Variants in MYRFL observed in about 807,000 individuals in gnomAD.
MYRFL encodes the protein myelin regulatory factor like.
Under a neutral mutation model 109.4 loss-of-function variants are expected in MYRFL, and 88 were observed. The ratio of observed to expected loss-of-function variants is 0.80; its 90% CI spans 0.68 to 0.96. The LOEUF (loss-of-function observed/expected upper bound fraction) is 0.96, where lower values mean the gene tolerates loss of function less well. MYRFL is among the 40% of genes least tolerant of loss of function. MYRFL has a pLI of 0.00. For missense variants in MYRFL, 957 were observed against 954.9 expected (o/e 1.00, Z -0.03); for synonymous variants, 324 against 320.9 (o/e 1.01, Z -0.10).
chr12:69,893,220 C>T (rs1566004409), intron 7 of MYRFL, among the ~76,000 whole-genome samples: 1 of 152,214 alleles, frequency 6.6e-6, no homozygotes, highest in South Asian at 2.1e-4. Context: ...GCTGATCTCA[C>T]AAGTCTTTTC....
At chr12:69,936,736 A>G in intron 19 of MYRFL, 104 bp downstream of exon 19, 2 of 1,091,882 alleles carry the variant, frequency 1.8e-6, no homozygotes, top group South Asian at 2.1e-5. Flanking sequence ...TAATGGTTCC[A>G]TGCTTCTATT....
intron 1 of MYRFL, among the ~76,000 whole-genome samples, chr12:69,852,741 G>T (rs559779820): frequency 2.0e-5 from 3 of 151,822 alleles, no homozygotes; most frequent in Admixed American, 6.6e-5. Flanking sequence ...GCCGCCTTCC[G>T]CAGTGTTTGT....
intron 1 of MYRFL, among the ~76,000 whole-genome samples, chr12:69,833,522 T>C (rs1227849045): frequency 6.6e-6 from 1 of 152,234 alleles, no homozygotes; most frequent in Non-Finnish European, 1.5e-5. Flanking sequence ...ATTTAATGAA[T>C]GCTTTACTTT....
intron 11 of MYRFL, among the ~76,000 whole-genome samples, chr12:69,907,282 T>C (rs1954395781): frequency 6.6e-6 from 1 of 152,198 alleles, no homozygotes; most frequent in Non-Finnish European, 1.5e-5. Flanking sequence ...TGAAAATCTG[T>C]CTAGAGGATG....
At chr12:69,948,813 T>C (rs1490650596) in intron 19 of MYRFL, among the ~76,000 whole-genome samples, 1 of 152,188 alleles carries the variant, frequency 6.6e-6, no homozygotes, top group Non-Finnish European at 1.5e-5. Flanking sequence ...GCCTTCCAGT[T>C]CTGTCTTGCT....
At chr12:69,883,791 G>A (rs1156461494) in intron 5 of MYRFL, among the ~76,000 whole-genome samples, 1 of 151,780 alleles carries the variant, frequency 6.6e-6, no homozygotes, top group Non-Finnish European at 1.5e-5. Context: ...TGGGAGGAAA[G>A]CTTCAGCCCA....
intron 7 of MYRFL, among the ~76,000 whole-genome samples, chr12:69,891,524 G>C (rs978057687): frequency 5.3e-5 from 8 of 151,350 alleles, no homozygotes; most frequent in African/African-American, 1.9e-4. Flanking sequence ...GGCTTCTAAG[G>C]ATAAACATTG....
At chr12:69,939,064 G>A (rs1955557623) in intron 19 of MYRFL, among the ~76,000 whole-genome samples, 1 of 152,174 alleles carries the variant, frequency 6.6e-6, no homozygotes, top group South Asian at 2.1e-4. Context: ...CTCGCTGATT[G>A]CTAGCACAGC....
At chr12:69,846,104 A>ATTT (rs1883517664) in intron 1 of MYRFL, among the ~76,000 whole-genome samples, 9 of 52,304 alleles carry the variant, frequency 1.7e-4, no homozygotes, top group Admixed American at 2.7e-4. Flanking sequence ...GCTATTGACT[A>ATTT]TCTTTTTTTT....
At chr12:69,846,752 AG>A (rs1883576025) in intron 1 of MYRFL, among the ~76,000 whole-genome samples, 1 of 151,950 alleles carries the variant, frequency 6.6e-6, no homozygotes, top group South Asian at 2.1e-4. Flanking sequence ...TTCTAGTTCT[AG>A]ATCCCTGAGG....
intron 10 of MYRFL, among the ~76,000 whole-genome samples, chr12:69,902,091 A>G (rs1250726729): frequency 6.6e-6 from 1 of 151,944 alleles, no homozygotes; most frequent in African/African-American, 2.4e-5. Flanking sequence ...ATGGGGCTTC[A>G]CCATGTTGGC....
Position 69,855,385 on chromosome 12 carries a change from C to G in MYRFL, c.137+15C>G, listed in dbSNP as rs1324477679. 1 of 702,212 alleles carries G rather than the reference C, an allele frequency of 1.4e-6. No homozygotes were observed. Among genetic ancestry groups the G allele is most frequent in the East Asian group, 2.7e-5 (1 of 37,292 alleles). 43.5% of individuals were successfully genotyped at this position (702,212 alleles called of 1,614,324 possible). A position where few individuals can be genotyped will look rare whatever the true frequency, so the allele number is the denominator to read the frequency against. The stretch of plus-strand genomic sequence containing the variant: ...TTGGGGGCCTTGTAAGTAATGAGAG[C>G]ACTGCTCTCTAGTTGATGTTTAAAA... On this transcript the variant is annotated intron_variant, in intron 2 of 24. Coordinates refer to ENST00000552032, the MANE Select transcript of MYRFL (RefSeq NM_182530.3).
chr12:69,862,842 A>G (rs1471177667), intron 2 of MYRFL, among the ~76,000 whole-genome samples: 1 of 152,128 alleles, frequency 6.6e-6, no homozygotes, highest in East Asian at 1.9e-4. Context: ...TTCAAAGGGA[A>G]TGCTTCCAGT....
intron 1 of MYRFL, among the ~76,000 whole-genome samples, chr12:69,828,013 T>A (rs1290425819): frequency 2.0e-5 from 3 of 152,144 alleles, no homozygotes; most frequent in Non-Finnish European, 4.4e-5. Context: ...TTTGAATATA[T>A]AATGTTATAA....
chr12:69,854,993 A>G (rs1419617485), intron 1 of MYRFL, among the ~76,000 whole-genome samples: 2 of 152,240 alleles, frequency 1.3e-5, no homozygotes, highest in African/African-American at 4.8e-5. Flanking sequence ...AAAGGACAGA[A>G]CTATTTTGCT....
chr12:69,900,594 A>T (rs999425049), intron 10 of MYRFL, among the ~76,000 whole-genome samples: 57 of 152,272 alleles, frequency 3.7e-4, no homozygotes, highest in African/African-American at 7.9e-4. Flanking sequence ...ACCAGCAGAG[A>T]GTATTTCTAG....
rs1160355554 is a variant in MYRFL, at chr12:69,855,325, G to A, written c.92G>A (p.Ser31Asn). ...GTLENPALDT[S>N]LLEEFLGNDF... is the part of the protein sequence containing the mutation. The stretch of plus-strand genomic sequence containing the variant: ...CTGGAGAACCCAGCCCTGGACACAA[G>A]TCTGTTGGAGGAATTTCTGGGCAAT... Residue 31 changes from serine to asparagine, a missense_variant, in exon 2 of 25, where the codon AGT (serine) becomes AAT (asparagine). Physicochemically the swap from Ser to Asn is conservative, Grantham distance 46 (BLOSUM62 1). Transcript: ENST00000552032. 1.4e-6 allele frequency: 1 copy of A among 702,624 alleles called. No homozygotes were observed. The highest frequency in any genetic ancestry group is 2.6e-6 in the Non-Finnish European group (1 of 384,802). The allele number at this position is 702,624 out of a possible 1,614,324, so 43.5% of individuals were successfully genotyped here. A position where few individuals can be genotyped will look rare whatever the true frequency, so the allele number is the denominator to read the frequency against.
At chr12:69,908,417 A>G (rs1305372481) in intron 11 of MYRFL, among the ~76,000 whole-genome samples, 2 of 152,200 alleles carry the variant, frequency 1.3e-5, no homozygotes, top group Non-Finnish European at 2.9e-5. Context: ...CTGAGAAACA[A>G]TGCTTACATT....
intron 19 of MYRFL, among the ~76,000 whole-genome samples, chr12:69,948,380 A>G (rs1409809109): frequency 6.6e-6 from 1 of 152,190 alleles, no homozygotes; most frequent in African/African-American, 2.4e-5. Context: ...AATTGTATTC[A>G]TAGGGTTCTA....
Sources: allele counts gnomAD v4.1 joint callset (sites outside exome capture counted in the v4.1 genomes callset), GRCh38; gene constraint gnomAD v4.1.1; transcripts MANE v1.5; gene names NCBI Gene and HGNC (gene_info 2026-07-23, HGNC 2026-07-21).